Variants in SNRNP48 observed in about 807,000 individuals in gnomAD.
SNRNP48 encodes U11/U12 small nuclear ribonucleoprotein 48 kDa protein.
A neutral mutation model predicts 47.0 loss-of-function variants in SNRNP48; 43 were observed. That is an observed-to-expected ratio of 0.92 (90% CI 0.72 to 1.18). The LOEUF is 1.18. Among genes scored for constraint, SNRNP48 ranks in the 50% most tolerant of loss-of-function variants. The probability of loss-of-function intolerance (pLI) is 0.00; values close to 1 mark genes in which losing one functional copy is unlikely to be tolerated. For missense variants in SNRNP48, 396 were observed against 422.2 expected (o/e 0.94, Z 0.54); for synonymous variants, 138 against 144.0 (o/e 0.96, Z 0.30).
chr6:7,590,543 G>GGGC, intron 1 of SNRNP48, 130 bp downstream of exon 1: 3 of 1,082,440 alleles, frequency 2.8e-6, no homozygotes, highest in Non-Finnish European at 3.5e-6. Flanking sequence ...GAGCCGCGAT[G>GGGC]GGCGCCTGGG....
At chr6:7,608,451 G>A (rs1054459785) in intron 8 of SNRNP48, among the ~76,000 whole-genome samples, 7 of 152,074 alleles carry the variant, frequency 4.6e-5, no homozygotes, top group Admixed American at 1.3e-4. Context: ...AGCTGCTTGG[G>A]AGGCTGAGGC....
At chr6:7,590,720 G>A (rs1194628026) in intron 1 of SNRNP48, among the ~76,000 whole-genome samples, 1 of 152,246 alleles carries the variant, frequency 6.6e-6, no homozygotes, top group Non-Finnish European at 1.5e-5. Flanking sequence ...GCGCACGCCT[G>A]TAATCCTAGC....
rs756955014 is a variant in SNRNP48, at chr6:7,590,326, G to C, written c.69G>C (p.Glu23Asp). 1 of 1,409,790 alleles carries C rather than the reference G, an allele frequency of 7.1e-7. No homozygotes were observed. The highest frequency in any genetic ancestry group is 9.4e-7 in the Non-Finnish European group (1 of 1,067,772). 87.3% of individuals were successfully genotyped at this position (1,409,790 alleles called of 1,614,324 possible). A position where few individuals can be genotyped will look rare whatever the true frequency, so the allele number is the denominator to read the frequency against. ...RLQEELNEFV[E>D]SGCRTLEEVT... ...AGGAGGAGCTGAACGAGTTCGTGGA[G>C]AGCGGCTGCCGGACGTTGGAGGAGG... Residue 23 changes from glutamate to aspartate, a missense_variant, in exon 1 of 9, where the codon GAG becomes GAC. Transcript: ENST00000342415.
chr6:7,590,371 G>T lies in SNRNP48; in HGVS notation c.114G>T (p.Trp38Cys). The T allele has an allele frequency of 7.3e-7, 1 of 1,363,336 alleles. No individual in the cohort carries two copies. Among genetic ancestry groups the T allele is most frequent in the South Asian group, 2.0e-5 (1 of 50,672 alleles). 84.5% of individuals were successfully genotyped at this position (1,363,336 alleles called of 1,614,324 possible). ...TLEEVTASLG[W>C]DLDSLDPGEE... Reference sequence around the variant, plus strand: ...AGGAGGTGACCGCGTCCCTGGGCTGGGACCTAGATAGTCTGGATCCCGGGG... The same window carrying T: ...AGGAGGTGACCGCGTCCCTGGGCTGTGACCTAGATAGTCTGGATCCCGGGG... Residue 38 changes from tryptophan (W) to cysteine (C), a missense_variant, in exon 1 of 9, where the codon TGG (tryptophan) becomes TGT (cysteine). Trp to Cys is a radical substitution (Grantham distance 215, BLOSUM62 -2). Coordinates refer to ENST00000342415, the MANE Select transcript of SNRNP48 (RefSeq NM_152551.4).
chr6:7,605,084 T>C (rs552297727), intron 6 of SNRNP48, among the ~76,000 whole-genome samples: 3 of 152,332 alleles, frequency 2.0e-5, no homozygotes, highest in East Asian at 3.9e-4. Flanking sequence ...CTGAATTCTT[T>C]AAGGGTTAAA....
chr6:7,603,808 G>A (rs773459479), intron 6 of SNRNP48, among the ~76,000 whole-genome samples: 6 of 152,124 alleles, frequency 3.9e-5, no homozygotes, highest in Non-Finnish European at 5.9e-5. Context: ...TACTACCTTG[G>A]TGATTCTCAT....
Position 7,593,842 on chromosome 6 carries a change from G to T in SNRNP48, c.265G>T (p.Glu89Ter). 8.3e-6 allele frequency: 13 copies of T among 1,565,630 alleles called. No homozygotes were observed. Among genetic ancestry groups the T allele is most frequent in the Non-Finnish European group, 1.1e-5 (13 of 1,155,144 alleles). ...GAGGAAAATGGGCTATACCAAAGAA[G>T]AAGAGGTACCATATATTTACTATAT... ...RLRKMGYTKE[E>*]EDEMYNPEFF... The change falls in exon 2 of 9, where the codon GAA becomes TAA. Residue 89 changes from glutamate to a stop codon, truncating the protein, a stop_gained. Transcript: ENST00000342415. LOFTEE classifies it high-confidence loss of function.
At chr6:7,599,756 A>G in intron 4 of SNRNP48, 1 of 1,274,118 alleles carries the variant, frequency 7.8e-7, no homozygotes, top group Non-Finnish European at 1.0e-6. Flanking sequence ...TGCAAATGAT[A>G]TCCTTTTAAA....
At chr6:7,594,958 C>A (rs1171623257) in intron 3 of SNRNP48, 69 bp from the exon 4 acceptor site, 2 of 1,353,884 alleles carry the variant, frequency 1.5e-6, no homozygotes, top group Admixed American at 2.2e-5. Context: ...GGATCAGAAA[C>A]CAGTTAATAA....
In SNRNP48 at chr6:7,590,392, C is replaced by G; in HGVS notation, c.135C>G (p.Pro45=). 6 of 1,328,844 alleles carry G rather than the reference C, an allele frequency of 4.5e-6. No individual in the cohort carries two copies. The highest frequency in any genetic ancestry group is 5.8e-6 in the Non-Finnish European group (6 of 1,027,596). The allele number at this position is 1,328,844 out of a possible 1,614,324, so 82.3% of individuals were successfully genotyped here. A position where few individuals can be genotyped will look rare whatever the true frequency, so the allele number is the denominator to read the frequency against. The change falls in exon 1 of 9, where the codon CCC becomes CCG. Residue 45 remains proline (P), a synonymous_variant. Coordinates refer to ENST00000342415, the MANE Select transcript of SNRNP48 (RefSeq NM_152551.4). The stretch of plus-strand genomic sequence containing the variant: ...GCTGGGACCTAGATAGTCTGGATCC[C>G]GGGGAAGAGGAGGCGGCGGAGGTGA... ...SLGWDLDSLD[P]GEEEAAEDEV...
chr6:7,607,934 T>C (rs1760162434), intron 8 of SNRNP48, among the ~76,000 whole-genome samples: 1 of 152,246 alleles, frequency 6.6e-6, no homozygotes, highest in Admixed American at 6.5e-5. Context: ...AATATTTGCT[T>C]AGTAATCCTT....
chr6:7,608,206 C>A (rs1760167920), intron 8 of SNRNP48, among the ~76,000 whole-genome samples: 1 of 151,702 alleles, frequency 6.6e-6, no homozygotes, highest in Non-Finnish European at 1.5e-5. Context: ...GTAAAACATT[C>A]ATTTCGAATT....
At chr6:7,594,952 C>A in intron 3 of SNRNP48, 75 bp from the exon 4 acceptor site, 1 of 1,309,458 alleles carries the variant, frequency 7.6e-7, no homozygotes, top group Non-Finnish European at 1.1e-6. Flanking sequence ...GGGCTTGGAT[C>A]AGAAACCAGT....
chr6:7,601,206 A>T, intron 4 of SNRNP48, 130 bp from the exon 5 acceptor site: 1 of 620,810 alleles, frequency 1.6e-6, no homozygotes. Flanking sequence ...TATTTTGTAT[A>T]CTTAGGGATT....
chr6:7,601,635 G>A (rs932186096), intron 5 of SNRNP48, 111 bp downstream of exon 5: 10 of 1,138,722 alleles, frequency 8.8e-6, no homozygotes, highest in Non-Finnish European at 1.2e-5. Context: ...AAATGGTTTT[G>A]TATCATTTAA....
chr6:7,601,341 T>G lies in SNRNP48; in HGVS notation c.412T>G (p.Tyr138Asp), dbSNP rs777436887. Residue 138 changes from tyrosine to aspartate, a missense_variant, in exon 5 of 9, where the codon TAT becomes GAT. Physicochemically the swap from Tyr to Asp is radical, Grantham distance 160 (BLOSUM62 -3). Coordinates refer to ENST00000342415, the MANE Select transcript of SNRNP48 (RefSeq NM_152551.4). Reference sequence around the variant, plus strand: ...TGATTTTATTTTTACTTTAGGAATTTATTCTTCATTGCCTGTTGAAGTTCC... The same window carrying G: ...TGATTTTATTTTTACTTTAGGAATTGATTCTTCATTGCCTGTTGAAGTTCC... ...KDSDCYNQRIYSSLPVEVPLN... is the reference protein window; with the variant it reads ...KDSDCYNQRIDSSLPVEVPLN... 5 of 1,565,642 alleles carry G rather than the reference T, an allele frequency of 3.2e-6. No homozygotes were observed. The highest frequency in any genetic ancestry group is 4.3e-6 in the Non-Finnish European group (5 of 1,167,466).
chr6:7,592,107 A>C (rs1581832238), intron 1 of SNRNP48, among the ~76,000 whole-genome samples: 1 of 152,318 alleles, frequency 6.6e-6, no homozygotes, highest in East Asian at 1.9e-4. Context: ...GGTGGTGGAC[A>C]AAGTGGTGGT....
At position 7,593,004 on chromosome 6, in the gene SNRNP48, G is replaced by C. The variant is rs543277798; in HGVS notation, c.157-730G>C. Among the ~76,000 whole-genome samples, 6 of 152,148 alleles carry C rather than the reference G, an allele frequency of 3.9e-5. No homozygotes were observed. The South Asian group carries it at 8.3e-4, about 21-fold the overall frequency. On this transcript the variant is annotated intron_variant, in intron 1 of 8. Coordinates refer to ENST00000342415, the MANE Select transcript of SNRNP48 (RefSeq NM_152551.4). The stretch of plus-strand genomic sequence containing the variant: ...GGAATAGATTTGAGGGTTGGGAGAT[G>C]ATGAATATAATTAATTTATTTTTGT...
At chr6:7,598,393 G>A (rs1759947608) in intron 4 of SNRNP48, among the ~76,000 whole-genome samples, 1 of 152,010 alleles carries the variant, frequency 6.6e-6, no homozygotes, top group Admixed American at 6.5e-5. Context: ...TACTCAGGAG[G>A]CTGAGGCAGG....
Sources: allele counts gnomAD v4.1 joint callset (sites outside exome capture counted in the v4.1 genomes callset), GRCh38; gene constraint gnomAD v4.1.1; transcripts MANE v1.5; gene names NCBI Gene and HGNC (gene_info 2026-07-23, HGNC 2026-07-21).